The following DOCK10 variants were observed in gnomAD, a reference collection of about 807,000 sequenced individuals.
The protein encoded by DOCK10 is dedicator of cytokinesis 10.
DOCK10 carries 145 observed loss-of-function variants against 280.1 expected under a neutral mutation model. The observed-to-expected ratio is 0.52, with a 90% CI of 0.45 to 0.59. The LOEUF is 0.59. Among genes scored for constraint, DOCK10 ranks in the 20% least tolerant of loss-of-function variants. The pLI is 0.00. For missense variants in DOCK10, 2,368 were observed against 2,651.7 expected, an observed-to-expected ratio of 0.89 and a Z score of 2.35; for synonymous variants, 915 against 942.2, an observed-to-expected ratio of 0.97 and a Z score of 0.53.
chr2:224,932,018 G>A (rs1389451112), intron 1 of DOCK10, among the ~76,000 whole-genome samples: 4 of 152,062 alleles, frequency 2.6e-5, no homozygotes, highest in Non-Finnish European at 5.9e-5. Context: ...TACTTGCTAC[G>A]GTATTATGAT....
At chr2:224,916,672 AG>A in intron 3 of DOCK10, 22 bp downstream of exon 3, 8 of 1,552,002 alleles carry the variant, frequency 5.2e-6, no homozygotes, top group Non-Finnish European at 7.0e-6. Context: ...CTTAAAATAA[AG>A]CATTGGAAGC....
At chr2:224,776,322 T>C (rs1464074899) in intron 51 of DOCK10, among the ~76,000 whole-genome samples, 1 of 152,196 alleles carries the variant, frequency 6.6e-6, no homozygotes, top group Non-Finnish European at 1.5e-5. Context: ...ACATCAAAAA[T>C]AGAGGTTTCG....
intron 1 of DOCK10, among the ~76,000 whole-genome samples, chr2:225,006,637 T>C (rs981298688): frequency 6.6e-6 from 1 of 152,236 alleles, no homozygotes; most frequent in African/African-American, 2.4e-5. Flanking sequence ...TCACACACTG[T>C]CTAACATGAG....
At chr2:224,942,143 T>G (rs1703127178) in intron 1 of DOCK10, among the ~76,000 whole-genome samples, 1 of 152,206 alleles carries the variant, frequency 6.6e-6, no homozygotes, top group African/African-American at 2.4e-5. Flanking sequence ...CCCTTCGCAG[T>G]CAGCTGCTAG....
At chr2:224,973,047 C>CT (rs1705187888) in intron 1 of DOCK10, among the ~76,000 whole-genome samples, 1 of 152,226 alleles carries the variant, frequency 6.6e-6, no homozygotes, top group South Asian at 2.1e-4. Flanking sequence ...TTAACAGATT[C>CT]TTTTTTCTAT....
intron 25 of DOCK10, among the ~76,000 whole-genome samples, chr2:224,835,918 A>C (rs1246631776): frequency 6.6e-6 from 1 of 150,816 alleles, no homozygotes. Context: ...TGGGTATTTC[A>C]GATACCCTGG....
chr2:224,771,627 GA>G (rs1291951261), intron 53 of DOCK10, among the ~76,000 whole-genome samples: 2 of 152,194 alleles, frequency 1.3e-5, no homozygotes, highest in Non-Finnish European at 2.9e-5. Context: ...GCTTGGGAAG[GA>G]AAAAGGTAAA....
chr2:224,972,029 T>G (rs73081887), intron 1 of DOCK10, among the ~76,000 whole-genome samples: 7,905 of 152,228 alleles, frequency 0.052, 685 homozygotes, highest in African/African-American at 0.18. Context: ...ATATGTGGCT[T>G]ATGTTATATT....
At chr2:224,974,962 C>G (rs1705344676) in intron 1 of DOCK10, among the ~76,000 whole-genome samples, 1 of 150,202 alleles carries the variant, frequency 6.7e-6, no homozygotes. Flanking sequence ...TGTATCACCT[C>G]CCCCAATCAC....
At chr2:224,822,541 G>A (rs1487595827) in intron 28 of DOCK10, among the ~76,000 whole-genome samples, 31 of 152,120 alleles carry the variant, frequency 2.0e-4, no homozygotes, top group African/African-American at 6.7e-4. Flanking sequence ...CCTGGGCTAC[G>A]TGGCAAAACC....
intron 1 of DOCK10, among the ~76,000 whole-genome samples, chr2:225,012,290 T>G (rs1006415056): frequency 9.2e-5 from 14 of 152,182 alleles, no homozygotes; most frequent in African/African-American, 3.1e-4. Context: ...ATATGCTCCT[T>G]TCACACGAAC....
At chr2:224,917,212 T>C (rs1341415455) in intron 2 of DOCK10, among the ~76,000 whole-genome samples, 1 of 149,728 alleles carries the variant, frequency 6.7e-6, no homozygotes, top group Non-Finnish European at 1.5e-5. Context: ...TTCAAGCGAT[T>C]CTCCTGTTGC....
chr2:224,916,587 G>T, intron 3 of DOCK10, 108 bp downstream of exon 3: 11 of 597,342 alleles, frequency 1.8e-5, no homozygotes, highest in East Asian at 3.5e-5. Flanking sequence ...AGAATATTTG[G>T]AATTATCTAT....
At chr2:224,936,996 C>CA (rs931055164) in intron 1 of DOCK10, among the ~76,000 whole-genome samples, 22 of 152,066 alleles carry the variant, frequency 1.4e-4, no homozygotes, top group African/African-American at 5.1e-4. Context: ...AAAAGATACA[C>CA]AAAACCCTGG....
chr2:224,987,085 C>A (rs1705994689), intron 1 of DOCK10, among the ~76,000 whole-genome samples: 1 of 152,164 alleles, frequency 6.6e-6, no homozygotes, highest in African/African-American at 2.4e-5. Context: ...ACTTCTAGCT[C>A]AAGGTGGTGC....
intron 2 of DOCK10, among the ~76,000 whole-genome samples, chr2:224,927,423 A>G (rs1702095250): frequency 6.6e-6 from 1 of 152,208 alleles, no homozygotes; most frequent in African/African-American, 2.4e-5. Context: ...AACGAATCAA[A>G]GCGGAGCAAA....
intron 39 of DOCK10, among the ~76,000 whole-genome samples, chr2:224,802,755 G>A (rs983949175): frequency 6.6e-6 from 1 of 152,172 alleles, no homozygotes; most frequent in African/African-American, 2.4e-5. Flanking sequence ...CTTGGGATAT[G>A]TGCTGTCATA....
chr2:224,975,696 A>G (rs1437730646), intron 1 of DOCK10, among the ~76,000 whole-genome samples: 1 of 152,228 alleles, frequency 6.6e-6, no homozygotes, highest in Non-Finnish European at 1.5e-5. Flanking sequence ...ATAGGACACA[A>G]ATTAAACAAA....
intron 1 of DOCK10, among the ~76,000 whole-genome samples, chr2:225,007,420 T>C (rs1375924446): frequency 6.6e-6 from 1 of 152,130 alleles, no homozygotes; most frequent in Non-Finnish European, 1.5e-5. Context: ...ACTTAGTAGG[T>C]TGACATAACT....
Sources: gnomAD v4.1 joint callset for allele counts (sites outside exome capture counted in the v4.1 genomes callset) on GRCh38, gnomAD v4.1.1 for gene constraint, MANE v1.5 for transcripts, NCBI Gene and HGNC (gene_info 2026-07-23, HGNC 2026-07-21) for gene names.